Variants in KANK1 observed in about 807,000 individuals in gnomAD.
The protein encoded by KANK1 is KN motif and ankyrin repeat domain-containing protein 1.
Under a neutral mutation model 106.2 loss-of-function variants are expected in KANK1, and 109 were observed. That is an observed-to-expected ratio of 1.03 (90% CI 0.88 to 1.20). The LOEUF (loss-of-function observed/expected upper bound fraction) is 1.20, where lower values mean the gene tolerates loss of function less well. KANK1 is among the 50% of genes most tolerant of loss of function. The pLI, the probability that KANK1 is intolerant of heterozygous loss-of-function variation, is 0.00. For missense variants in KANK1, 2,399 were observed against 1,710.7 expected (o/e 1.40, Z -7.10); for synonymous variants, 873 against 652.2 (o/e 1.34, Z -5.16).
chr9:553,015 A>G (rs147070741), intron 1 of KANK1, among the ~76,000 whole-genome samples: 1 of 152,222 alleles, frequency 6.6e-6, no homozygotes, highest in African/African-American at 2.4e-5. Flanking sequence ...GCCTGGTGGC[A>G]CACACCTGTA....
intron 1 of KANK1, among the ~76,000 whole-genome samples, chr9:622,549 C>G (rs1191413018): frequency 6.6e-6 from 1 of 152,032 alleles, no homozygotes; most frequent in Non-Finnish European, 1.5e-5. Context: ...ATCCACCTGC[C>G]AAAAAATAAA....
At chr9:498,976 G>A (rs193053060) in intron 3 of KANK1, among the ~76,000 whole-genome samples, 1 of 152,224 alleles carries the variant, frequency 6.6e-6, no homozygotes, top group East Asian at 1.9e-4. Context: ...AGGAGATCAA[G>A]ACCATCCTGG....
chr9:635,271 C>T (rs953603829), intron 1 of KANK1, among the ~76,000 whole-genome samples: 4 of 152,116 alleles, frequency 2.6e-5, no homozygotes, highest in African/African-American at 9.7e-5. Context: ...TACCCAGCCC[C>T]CCAGGCCTAT....
intron 1 of KANK1, among the ~76,000 whole-genome samples, chr9:592,470 G>T (rs1444436764): frequency 7.4e-6 from 1 of 135,782 alleles, no homozygotes; most frequent in Non-Finnish European, 1.6e-5. Context: ...CTTTCTTTCT[G>T]TGAGCACCCC....
At chr9:620,684 C>T (rs921158209) in intron 1 of KANK1, among the ~76,000 whole-genome samples, 5 of 152,050 alleles carry the variant, frequency 3.3e-5, no homozygotes, top group South Asian at 4.2e-4. Context: ...GGATTACAGG[C>T]GTGAGCCAAC....
intron 1 of KANK1, among the ~76,000 whole-genome samples, chr9:506,951 G>A (rs956305014): frequency 1.3e-5 from 2 of 152,094 alleles, no homozygotes; most frequent in African/African-American, 4.8e-5. Flanking sequence ...CACTTCACTC[G>A]GGCTTTTTGT....
chr9:618,815 C>G (rs1322491042), intron 1 of KANK1, among the ~76,000 whole-genome samples: 2 of 152,128 alleles, frequency 1.3e-5, no homozygotes, highest in African/African-American at 4.8e-5. Context: ...GGTGTTTTCT[C>G]CTCTCATCGC....
chr9:528,628 C>T (rs146703518), intron 1 of KANK1, among the ~76,000 whole-genome samples: 1 of 151,946 alleles, frequency 6.6e-6, no homozygotes, highest in Non-Finnish European at 1.5e-5. Flanking sequence ...AGCTGCGTTA[C>T]AGGTGCCCGC....
chr9:733,766 A>G (rs1481301029), intron 6 of KANK1: 1 of 152,210 alleles, frequency 6.6e-6, no homozygotes, highest in Non-Finnish European at 1.5e-5. Flanking sequence ...TGTCTCAGAA[A>G]AAAAGTAATT....
At chr9:667,042 C>T (rs549445141) in intron 1 of KANK1, among the ~76,000 whole-genome samples, 11 of 136,796 alleles carry the variant, frequency 8.0e-5, no homozygotes, top group African/African-American at 2.7e-4. Context: ...TATTATAGTT[C>T]TTCTTGAAAT....
At chr9:608,034 A>AT (rs35949327) in intron 1 of KANK1, among the ~76,000 whole-genome samples, 1,750 of 115,326 alleles carry the variant, frequency 0.015, 71 homozygotes, top group East Asian at 0.039. Context: ...TATTATTATT[A>AT]TTTTTTTTTT....
chr9:663,934 C>G (rs769736142), intron 1 of KANK1, among the ~76,000 whole-genome samples: 2 of 152,122 alleles, frequency 1.3e-5, no homozygotes, highest in Non-Finnish European at 2.9e-5. Context: ...GAGGCAGATG[C>G]TCTCATGGGA....
At chr9:665,705 G>A (rs1252586563) in intron 1 of KANK1, among the ~76,000 whole-genome samples, 2 of 152,138 alleles carry the variant, frequency 1.3e-5, no homozygotes, top group African/African-American at 4.8e-5. Flanking sequence ...AATATTGTTG[G>A]TATTTTGATA....
intron 7 of KANK1, 119 bp downstream of exon 7, chr9:734,954 T>G (rs144709034): frequency 5.5e-6 from 4 of 720,762 alleles, no homozygotes; most frequent in African/African-American, 5.3e-5. Flanking sequence ...CTGAACTGTT[T>G]CCAGCATGAG....
intron 1 of KANK1, among the ~76,000 whole-genome samples, chr9:562,256 G>A (rs1039871472): frequency 6.6e-6 from 1 of 151,098 alleles, no homozygotes; most frequent in Non-Finnish European, 1.5e-5. Flanking sequence ...GTTTCACCTT[G>A]TTAGCCAGGA....
At chr9:683,972 A>G (rs766092215) in intron 2 of KANK1, among the ~76,000 whole-genome samples, 2 of 152,298 alleles carry the variant, frequency 1.3e-5, no homozygotes, top group African/African-American at 4.8e-5. Flanking sequence ...TTTCAATTTC[A>G]TAACCCTTAA....
chr9:537,714 C>A (rs538634738), intron 1 of KANK1, among the ~76,000 whole-genome samples: 3 of 152,242 alleles, frequency 2.0e-5, no homozygotes, highest in Non-Finnish European at 4.4e-5. Context: ...GGGCATTTGG[C>A]AGTGTTTGGA....
At chr9:718,794 T>C (rs1400755480) in intron 3 of KANK1, among the ~76,000 whole-genome samples, 1 of 152,142 alleles carries the variant, frequency 6.6e-6, no homozygotes, top group Non-Finnish European at 1.5e-5. Context: ...GAGGAGAGCG[T>C]AGAAACAACA....
intron 1 of KANK1, among the ~76,000 whole-genome samples, chr9:628,046 C>T (rs1563887787): frequency 6.6e-6 from 1 of 151,600 alleles, no homozygotes; most frequent in Non-Finnish European, 1.5e-5. Flanking sequence ...AATGCTTTTA[C>T]AGTATATAAA....
Sources: allele counts gnomAD v4.1 joint callset (sites outside exome capture counted in the v4.1 genomes callset), GRCh38; gene constraint gnomAD v4.1.1; transcripts MANE v1.5; gene names NCBI Gene and HGNC (gene_info 2026-07-23, HGNC 2026-07-21).